Variants in ZDHHC19 observed in about 807,000 individuals in gnomAD.
The protein encoded by ZDHHC19 is palmitoyltransferase ZDHHC19.
Under a neutral mutation model 33.9 loss-of-function variants are expected in ZDHHC19, and 30 were observed. That is an observed-to-expected ratio of 0.88 (90% confidence interval 0.66 to 1.20). The LOEUF (loss-of-function observed/expected upper bound fraction) is 1.20. ZDHHC19 is among the 50% of genes most tolerant of loss of function. The pLI is 0.00. For synonymous variants in ZDHHC19, 178 were observed against 167.6 expected, an observed-to-expected ratio of 1.06 and a Z score of -0.48; for missense variants, 364 against 401.1, an observed-to-expected ratio of 0.91 and a Z score of 0.79.
chr3:196,209,445 C>T lies in ZDHHC19; in HGVS notation c.339G>A (p.Trp113Ter), dbSNP rs372203347. Residue 113 changes from tryptophan (W) to a stop codon, truncating the protein, a stop_gained, in exon 3 of 8, where the codon TGG becomes TGA. Transcript: ENST00000296326. LOFTEE classifies it high-confidence loss of function. ...WVNHGAFRLQ[W>*]CPKCCFHRPP... Reference sequence around the variant, plus strand: ...GGCGGTGGAAGCAGCACTTTGGACACCATTGCAGGCGGAAGGCCCCGTGGT... The same window carrying T: ...GGCGGTGGAAGCAGCACTTTGGACATCATTGCAGGCGGAAGGCCCCGTGGT... 1.9e-6 allele frequency: 3 copies of T among 1,611,602 alleles called. No homozygotes were observed. Among genetic ancestry groups the T allele is most frequent in the Non-Finnish European group, 2.5e-6 (3 of 1,179,228 alleles).
chr3:196,206,659 TTTTTC>T (rs1262850828), intron 5 of ZDHHC19, among the ~76,000 whole-genome samples: 2 of 146,856 alleles, frequency 1.4e-5, no homozygotes, highest in Non-Finnish European at 3.0e-5. Context: ...AGCTTGGAAC[TTTTTC>T]TTTTCTTTTC....
chr3:196,204,667 CAT>C (rs1434275240), intron 5 of ZDHHC19, among the ~76,000 whole-genome samples: 2 of 152,200 alleles, frequency 1.3e-5, no homozygotes, highest in African/African-American at 2.4e-5. Flanking sequence ...TGCCACTACA[CAT>C]GTCTTATACC....
At position 196,203,985 on chromosome 3, in the gene ZDHHC19, G is replaced by A. The variant is rs559787453; in HGVS notation, c.687+3413C>T. ...TTCCTAGAACAGCCAGTGACCTGCT[G>A]AAGGAGTCTCATGGCGCGGATGTCC... On this transcript the variant is annotated intron_variant, in intron 5 of 7. Transcript: ENST00000296326. The surrounding 1 kb of genome is among the most constrained non-coding windows in gnomAD (Gnocchi z 4.3). Among the ~76,000 whole-genome samples the A allele has an allele frequency of 6.6e-6, 1 of 152,286 alleles. No homozygotes were observed. The highest frequency in any genetic ancestry group is 1.9e-4 in the East Asian group (1 of 5,188).
In ZDHHC19 at chr3:196,200,394, A is replaced by T. The variant is rs78531143; in HGVS notation, c.688-1520T>A. 1.7e-4 allele frequency among the ~76,000 whole-genome samples: 24 copies of T among 142,530 alleles called. No homozygotes were observed. The East Asian group carries it at 2.3e-3, about 14-fold the overall frequency. 93.5% of individuals were successfully genotyped at this position (142,530 alleles called of 152,430 possible). On this transcript the variant is annotated intron_variant, in intron 5 of 7. Transcript: ENST00000296326. ...TTTTGAGATGGAGTCTTGCTCTGTCACCCAGGCTGGAGTGCAGTGGCGCGA... is the reference window on the plus strand; with the variant it reads ...TTTTGAGATGGAGTCTTGCTCTGTCTCCCAGGCTGGAGTGCAGTGGCGCGA...
intron 5 of ZDHHC19, among the ~76,000 whole-genome samples, chr3:196,205,568 C>T (rs1224718206): frequency 6.6e-6 from 1 of 152,160 alleles, no homozygotes; most frequent in African/African-American, 2.4e-5. Flanking sequence ...GTGGTGGCTG[C>T]AGGACTGTAT....
intron 5 of ZDHHC19, among the ~76,000 whole-genome samples, chr3:196,200,272 C>G (rs1272956197): frequency 6.7e-6 from 1 of 148,436 alleles, no homozygotes; most frequent in Non-Finnish European, 1.5e-5. Flanking sequence ...GGGACCCTGT[C>G]TCTAGAAAAA....
intron 2 of ZDHHC19, among the ~76,000 whole-genome samples, 195 bp downstream of exon 2, chr3:196,210,421 G>A (rs13096121): frequency 0.01 from 1,379 of 132,878 alleles, 46 homozygotes; most frequent in African/African-American, 0.036. Context: ...GAGGAAGGAA[G>A]GAAAGAAAGA....
rs554669895 is a variant in ZDHHC19 at position 196,198,687 on chromosome 3, C to T, written c.773+102G>A. 2.3e-5 allele frequency: 37 copies of T among 1,599,342 alleles called. No homozygotes were observed. In the African/African-American group the frequency reaches 4.5e-4, roughly 20 times the overall value. On this transcript the variant is annotated intron_variant, in intron 6 of 7. Coordinates refer to ENST00000296326, the MANE Select transcript of ZDHHC19 (RefSeq NM_001039617.2). ...GGAGAAAACCCCAGAGGAGCAGGAA[C>T]AGTGAGTGTAAGGGCCTGGGGCTGT...
At chr3:196,210,806 T>C (rs1723243380) in intron 1 of ZDHHC19, 69 bp from the exon 2 acceptor site, 1 of 1,574,670 alleles carries the variant, frequency 6.4e-7, no homozygotes, top group Non-Finnish European at 8.6e-7. Flanking sequence ...GCCTGTGGCT[T>C]GCTCAGGTCA....
At chr3:196,210,766 G>A (rs1227896387) in intron 1 of ZDHHC19, 29 bp from the exon 2 acceptor site, 7 of 1,607,528 alleles carry the variant, frequency 4.4e-6, no homozygotes, top group Non-Finnish European at 5.9e-6. Context: ...TCGGTCCTGA[G>A]CAGGGGCAGC....
At chr3:196,200,494 A>G (rs1374452676) in intron 5 of ZDHHC19, among the ~76,000 whole-genome samples, 7 of 149,604 alleles carry the variant, frequency 4.7e-5, no homozygotes, top group Non-Finnish European at 1.0e-4. Context: ...AGCTGGGATT[A>G]CAGGTGCTCG....
chr3:196,208,737 G>T, intron 3 of ZDHHC19, 177 bp from the exon 4 acceptor site: 1 of 688,724 alleles, frequency 1.5e-6, no homozygotes, highest in Non-Finnish European at 2.4e-6. Flanking sequence ...CATTTCCCTT[G>T]TTAGAGCACA....
intron 5 of ZDHHC19, among the ~76,000 whole-genome samples, chr3:196,200,502 TC>T (rs1722218890): frequency 3.4e-5 from 5 of 148,552 alleles, no homozygotes; most frequent in Non-Finnish European, 4.5e-5. Flanking sequence ...TTACAGGTGC[TC>T]GCCACCACGC....
At chr3:196,200,359 ATTT>A (rs527886339) in intron 5 of ZDHHC19, among the ~76,000 whole-genome samples, 2 of 124,008 alleles carry the variant, frequency 1.6e-5, no homozygotes, top group Non-Finnish European at 3.3e-5. Context: ...TATATATATA[ATTT>A]TTTTTTTTTT....
chr3:196,208,361 C>T, intron 4 of ZDHHC19, 27 bp downstream of exon 4: 1 of 1,611,156 alleles, frequency 6.2e-7, no homozygotes, highest in Non-Finnish European at 8.5e-7. Flanking sequence ...CCCGCCTCCT[C>T]TCCTGCTTCC....
chr3:196,205,168 G>A (rs767841832), intron 5 of ZDHHC19, among the ~76,000 whole-genome samples: 1 of 152,190 alleles, frequency 6.6e-6, no homozygotes, highest in East Asian at 1.9e-4. Context: ...TTACCCCAAA[G>A]AAATGAAAAC....
chr3:196,207,772 G>T (rs1278758033), intron 4 of ZDHHC19, among the ~76,000 whole-genome samples: 2 of 28,640 alleles, frequency 7.0e-5, no homozygotes, highest in African/African-American at 2.9e-4. Context: ...TCCGCCCCGA[G>T]CCCCGCCCCG....
chr3:196,208,578 G>A lies in ZDHHC19; in HGVS notation c.409-18C>T, dbSNP rs912490015. ...TCAAAGTCCTGGGCGACAGGGAGAG[G>A]GGCCAGGCTTGAGGACTTCTCCTCT... On this transcript the variant is annotated intron_variant, in intron 3 of 7. Transcript: ENST00000296326. 1 of 1,612,874 alleles carries A rather than the reference G, an allele frequency of 6.2e-7. No individual in the cohort carries two copies. Among genetic ancestry groups the A allele is most frequent in the African/African-American group, 1.3e-5 (1 of 75,018 alleles).
chr3:196,208,329 T>G, intron 4 of ZDHHC19, 59 bp downstream of exon 4: 3 of 1,432,144 alleles, frequency 2.1e-6, no homozygotes, highest in Non-Finnish European at 2.8e-6. Context: ...CCCCGCCCTC[T>G]GCAGCCCCCT....
Sources: gnomAD v4.1 joint callset for allele counts (sites outside exome capture counted in the v4.1 genomes callset) on GRCh38, gnomAD v4.1.1 for gene constraint, Gnocchi (gnomAD v3.1) non-coding constraint, MANE v1.5 for transcripts, NCBI Gene and HGNC (gene_info 2026-07-23, HGNC 2026-07-21) for gene names.